Variants in SEMA5A observed in about 807,000 individuals in gnomAD.
SEMA5A encodes the protein semaphorin 5A.
In SEMA5A, 55 loss-of-function variants were observed where a neutral mutation model predicts 135.5. That is an observed-to-expected ratio of 0.41 (90% CI 0.33 to 0.51). SEMA5A has a LOEUF of 0.51. SEMA5A is among the 20% of genes least tolerant of loss of function. SEMA5A has a pLI of 0.37. For synonymous variants in SEMA5A, 580 were observed against 546.5 expected (o/e 1.06, Z -0.85); for missense variants, 1,290 against 1,419.9 (o/e 0.91, Z 1.47).
chr5:9,077,732 A>C (rs891616511), intron 16 of SEMA5A, among the ~76,000 whole-genome samples: 4 of 152,142 alleles, frequency 2.6e-5, no homozygotes, highest in Non-Finnish European at 5.9e-5. Flanking sequence ...ACTGGCTCGA[A>C]GTGGGGAGTA....
Position 9,152,761 on chromosome 5 carries a change from C to T in SEMA5A, c.1481+1727G>A, listed in dbSNP as rs1458770816. Among the ~76,000 whole-genome samples, 6 of 152,164 alleles carry T rather than the reference C, an allele frequency of 3.9e-5. No individual in the cohort carries two copies. The East Asian group carries it at 5.8e-4, about 15-fold the overall frequency. On this transcript the variant is annotated intron_variant, in intron 12 of 22. Coordinates refer to ENST00000382496, the MANE Select transcript of SEMA5A (RefSeq NM_003966.3). ...CAAAGTGAATTCTGAAATACTTTTG[C>T]GACCTGGGTCAAGAAACAGCAACAA... is the stretch of plus-strand genomic sequence containing the variant.
chr5:9,200,382 C>T (rs40684), intron 9 of SEMA5A, among the ~76,000 whole-genome samples: 1 of 151,838 alleles, frequency 6.6e-6, no homozygotes, highest in African/African-American at 2.4e-5. Context: ...TTTGTTTTGC[C>T]CAGAGCCAGG....
chr5:9,134,492 A>C (rs1741620598), intron 13 of SEMA5A, among the ~76,000 whole-genome samples: 1 of 152,174 alleles, frequency 6.6e-6, no homozygotes, highest in Non-Finnish European at 1.5e-5. Flanking sequence ...ACATACATTC[A>C]TTATAAACCA....
chr5:9,302,882 G>C (rs947042159), intron 5 of SEMA5A, among the ~76,000 whole-genome samples: 1 of 152,102 alleles, frequency 6.6e-6, no homozygotes, highest in African/African-American at 2.4e-5. Flanking sequence ...TTCAAAGCCA[G>C]ATTTTTTAAT....
intron 16 of SEMA5A, among the ~76,000 whole-genome samples, chr5:9,074,935 C>A (rs199806627): frequency 6.6e-6 from 1 of 152,076 alleles, no homozygotes; most frequent in South Asian, 2.1e-4. Context: ...GTCCATAGAA[C>A]GGAAAAAGAC....
chr5:9,336,634 A>G (rs1753403423), intron 4 of SEMA5A, among the ~76,000 whole-genome samples: 1 of 152,200 alleles, frequency 6.6e-6, no homozygotes, highest in African/African-American at 2.4e-5. Context: ...AACTATGCCA[A>G]CTTCTTCCTA....
intron 4 of SEMA5A, among the ~76,000 whole-genome samples, chr5:9,324,471 T>G (rs577958875): frequency 6.6e-6 from 1 of 152,310 alleles, no homozygotes; most frequent in East Asian, 1.9e-4. Flanking sequence ...TGGATTCTGC[T>G]ATTCTCAAAT....
At position 9,058,001 on chromosome 5, in the gene SEMA5A, C is replaced by G. The variant is rs192823871; in HGVS notation, c.2519-3744G>C. Among the ~76,000 whole-genome samples the G allele has an allele frequency of 2.0e-5, 3 of 152,116 alleles. No individual in the cohort carries two copies. The East Asian group carries it at 5.8e-4, about 29-fold the overall frequency. On this transcript the variant is annotated intron_variant, in intron 18 of 22. Coordinates refer to ENST00000382496, the MANE Select transcript of SEMA5A (RefSeq NM_003966.3). The stretch of plus-strand genomic sequence containing the variant: ...TGAAATAGCCTTCATCACAAGGGAG[C>G]CTGTACAACCTGGTGGGGAAGTAGA...
intron 9 of SEMA5A, among the ~76,000 whole-genome samples, chr5:9,198,666 G>A (rs1007278940): frequency 1.3e-5 from 2 of 152,126 alleles, no homozygotes; most frequent in Non-Finnish European, 2.9e-5. Flanking sequence ...ATAAAGGGGC[G>A]AACACCAGCT....
At chr5:9,101,576 A>G (rs1739634443) in intron 16 of SEMA5A, among the ~76,000 whole-genome samples, 1 of 152,200 alleles carries the variant, frequency 6.6e-6, no homozygotes, top group Non-Finnish European at 1.5e-5. Flanking sequence ...CAACTATTTT[A>G]TGTATTTCTT....
At chr5:9,350,560 G>A (rs2150748788) in intron 3 of SEMA5A, among the ~76,000 whole-genome samples, 1 of 152,306 alleles carries the variant, frequency 6.6e-6, no homozygotes, top group African/African-American at 2.4e-5. Flanking sequence ...GCATCTGGTT[G>A]ACTTCAGGAA....
At chr5:9,254,746 C>A (rs1020407984) in intron 5 of SEMA5A, among the ~76,000 whole-genome samples, 1 of 151,902 alleles carries the variant, frequency 6.6e-6, no homozygotes, top group African/African-American at 2.4e-5. Flanking sequence ...TAAACAACTG[C>A]CCAAGGCCAG....
chr5:9,434,706 A>G (rs1248427978), intron 2 of SEMA5A, among the ~76,000 whole-genome samples: 3 of 152,124 alleles, frequency 2.0e-5, no homozygotes, highest in Admixed American at 6.6e-5. Flanking sequence ...GTTTTCCATT[A>G]CTTTTATGGT....
intron 6 of SEMA5A, among the ~76,000 whole-genome samples, chr5:9,229,918 T>TG (rs1354465555): frequency 6.6e-6 from 1 of 152,152 alleles, no homozygotes; most frequent in Non-Finnish European, 1.5e-5. Flanking sequence ...ATATCAAATA[T>TG]GGTGTTTACG....
rs115461615 is a variant in SEMA5A at position 9,254,897 on chromosome 5, G to C, written c.271-17007C>G. Among the ~76,000 whole-genome samples, 653 of 152,268 alleles carry C rather than the reference G, an allele frequency of 4.3e-3. 6 individuals carry two copies. Among genetic ancestry groups the C allele is most frequent in the African/African-American group, 0.015 (631 of 41,554 alleles). On this transcript the variant is annotated intron_variant, in intron 5 of 22. Transcript: ENST00000382496. Reference sequence around the variant, plus strand: ...GCTAGTTTAAGCCCGTGGTGATAAGGCAACGAGGCTGAATTCAATAAGCTT... The same window carrying C: ...GCTAGTTTAAGCCCGTGGTGATAAGCCAACGAGGCTGAATTCAATAAGCTT...
intron 4 of SEMA5A, among the ~76,000 whole-genome samples, chr5:9,319,495 T>G (rs1266602354): frequency 1.3e-5 from 2 of 152,138 alleles, no homozygotes; most frequent in Non-Finnish European, 2.9e-5. Flanking sequence ...ACTCTAGTGT[T>G]GTAGGTTTTA....
chr5:9,408,009 T>TACCAAC (rs1554032172), intron 2 of SEMA5A, among the ~76,000 whole-genome samples: 5 of 150,692 alleles, frequency 3.3e-5, no homozygotes, highest in African/African-American at 1.2e-4. Flanking sequence ...TCACCATCAC[T>TACCAAC]ACCAACACCA....
intron 1 of SEMA5A, among the ~76,000 whole-genome samples, chr5:9,454,545 G>GT (rs1758760948): frequency 6.6e-6 from 1 of 152,174 alleles, no homozygotes; most frequent in African/African-American, 2.4e-5. Flanking sequence ...AGCCAGTGCT[G>GT]TTTTTTTCCA....
At chr5:9,343,692 G>C (rs1172311771) in intron 3 of SEMA5A, among the ~76,000 whole-genome samples, 1 of 152,088 alleles carries the variant, frequency 6.6e-6, no homozygotes, top group African/African-American at 2.4e-5. Context: ...AAACAAGGGA[G>C]TGGAATGTTT....
Sources: allele counts gnomAD v4.1 joint callset (sites outside exome capture counted in the v4.1 genomes callset), GRCh38; gene constraint gnomAD v4.1.1; transcripts MANE v1.5; gene names NCBI Gene and HGNC (gene_info 2026-07-23, HGNC 2026-07-21).